FGD4: variants seen among roughly 807,000 people sequenced by gnomAD.
FGD4 encodes the protein FYVE, RhoGEF and PH domain containing 4.
A neutral mutation model predicts 102.0 loss-of-function variants in FGD4; 42 were observed. The observed-to-expected ratio is 0.41, with a 90% CI of 0.32 to 0.53. FGD4 has a LOEUF of 0.53. Ranked by LOEUF, FGD4 falls within the 20% of genes least tolerant of loss-of-function variation. The probability of loss-of-function intolerance (pLI) is 0.21; values close to 1 mark genes in which losing one functional copy is unlikely to be tolerated. For synonymous variants in FGD4, 380 were observed against 375.7 expected (o/e 1.01, Z -0.13); for missense variants, 902 against 1,078.2 (o/e 0.84, Z 2.29).
intron 1 of FGD4, among the ~76,000 whole-genome samples, chr12:32,489,129 C>G (rs941094188): frequency 3.9e-5 from 6 of 152,106 alleles, no homozygotes; most frequent in Non-Finnish European, 2.9e-5. Flanking sequence ...AGCCTCTTCT[C>G]TTTTTGTATT....
At chr12:32,478,754 G>A (rs1013111037) in intron 1 of FGD4, among the ~76,000 whole-genome samples, 4 of 151,728 alleles carry the variant, frequency 2.6e-5, no homozygotes, top group East Asian at 1.9e-4. Flanking sequence ...TTAATCTTCC[G>A]TCCTCCTCAT....
intron 4 of FGD4, among the ~76,000 whole-genome samples, chr12:32,585,517 T>C (rs1281248464): frequency 6.6e-6 from 1 of 151,530 alleles, no homozygotes; most frequent in Non-Finnish European, 1.5e-5. Flanking sequence ...ATTGACATAA[T>C]ATGATACAGT....
At chr12:32,438,482 T>C (rs1166171250) in intron 1 of FGD4, among the ~76,000 whole-genome samples, 11 of 152,118 alleles carry the variant, frequency 7.2e-5, no homozygotes, top group East Asian at 1.9e-4. Context: ...CCTTGAGCAG[T>C]TGAAATTAGG....
intron 1 of FGD4, among the ~76,000 whole-genome samples, chr12:32,423,245 A>G (rs1277419510): frequency 6.6e-6 from 1 of 152,182 alleles, no homozygotes; most frequent in Non-Finnish European, 1.5e-5. Flanking sequence ...GGCTTCCTCC[A>G]GGAAAGAATT....
At chr12:32,539,748 A>C (rs1465984545) in intron 1 of FGD4, among the ~76,000 whole-genome samples, 1 of 152,166 alleles carries the variant, frequency 6.6e-6, no homozygotes, top group Non-Finnish European at 1.5e-5. Context: ...TGCAGTTAAA[A>C]TCTATGAACT....
At chr12:32,446,727 C>T (rs577408677) in intron 1 of FGD4, among the ~76,000 whole-genome samples, 30 of 152,204 alleles carry the variant, frequency 2.0e-4, no homozygotes, top group African/African-American at 5.8e-4. Flanking sequence ...CAACAGCATG[C>T]GCGTGATTCT....
chr12:32,598,643 C>T (rs537213006), intron 5 of FGD4, 57 bp downstream of exon 5: 13 of 1,401,522 alleles, frequency 9.3e-6, no homozygotes, highest in Admixed American at 1.7e-5. Context: ...TCATTTTAAC[C>T]TAGTAATTAG....
chr12:32,483,055 A>G (rs1943806666), intron 1 of FGD4, among the ~76,000 whole-genome samples: 1 of 152,244 alleles, frequency 6.6e-6, no homozygotes, highest in South Asian at 2.1e-4. Context: ...TGATGGTGTT[A>G]GGAAAATATA....
chr12:32,434,870 A>G (rs950518745), intron 1 of FGD4, among the ~76,000 whole-genome samples: 9 of 152,262 alleles, frequency 5.9e-5, no homozygotes, highest in Non-Finnish European at 1.3e-4. Flanking sequence ...GATGAAAAAA[A>G]TCAAATATAG....
chr12:32,455,677 TG>T (rs1942928524), intron 1 of FGD4, among the ~76,000 whole-genome samples: 1 of 152,124 alleles, frequency 6.6e-6, no homozygotes, highest in African/African-American at 2.4e-5. Flanking sequence ...AGACTTTTTG[TG>T]AAATAGAGGT....
intron 1 of FGD4, among the ~76,000 whole-genome samples, chr12:32,557,231 TA>T (rs1944194413): frequency 6.6e-6 from 1 of 152,216 alleles, no homozygotes; most frequent in Non-Finnish European, 1.5e-5. Context: ...AAGTGATATA[TA>T]AATACATTTT....
chr12:32,505,822 G>T (rs1027999668), intron 1 of FGD4, among the ~76,000 whole-genome samples: 2 of 151,776 alleles, frequency 1.3e-5, no homozygotes, highest in African/African-American at 2.4e-5. Context: ...TAAATCCTGT[G>T]TTTTTTTTAT....
At chr12:32,613,611 C>T (rs1949280919) in intron 10 of FGD4, among the ~76,000 whole-genome samples, 1 of 151,962 alleles carries the variant, frequency 6.6e-6, no homozygotes, top group Non-Finnish European at 1.5e-5. Context: ...TAAAAATTAG[C>T]TGGGCATGGT....
At chr12:32,530,062 C>T (rs1592126579) in intron 1 of FGD4, among the ~76,000 whole-genome samples, 1 of 151,934 alleles carries the variant, frequency 6.6e-6, no homozygotes, top group South Asian at 2.1e-4. Flanking sequence ...AGGTTTTAAT[C>T]CAGGAAGTGC....
chr12:32,558,955 G>A (rs918901125), intron 1 of FGD4, among the ~76,000 whole-genome samples: 2 of 152,166 alleles, frequency 1.3e-5, no homozygotes, highest in African/African-American at 4.8e-5. Flanking sequence ...TATTTAAATC[G>A]GATACCTCTC....
At chr12:32,423,465 G>A (rs551822637) in intron 1 of FGD4, among the ~76,000 whole-genome samples, 13 of 151,486 alleles carry the variant, frequency 8.6e-5, no homozygotes, top group African/African-American at 1.9e-4. Context: ...GGTGGCAGGC[G>A]CCTGTAATCC....
At chr12:32,564,622 A>G (rs1160449210) in intron 2 of FGD4, among the ~76,000 whole-genome samples, 2 of 152,230 alleles carry the variant, frequency 1.3e-5, no homozygotes, top group African/African-American at 2.4e-5. Flanking sequence ...CTACTGTTAG[A>G]AAGAAATGAT....
chr12:32,512,215 G>A (rs1939445792), intron 1 of FGD4, among the ~76,000 whole-genome samples: 1 of 152,070 alleles, frequency 6.6e-6, no homozygotes, highest in Non-Finnish European at 1.5e-5. Flanking sequence ...CGGAGGCTGA[G>A]GCTGGCGGAT....
chr12:32,510,154 G>A (rs1294567419), intron 1 of FGD4, among the ~76,000 whole-genome samples: 1 of 152,188 alleles, frequency 6.6e-6, no homozygotes, highest in East Asian at 1.9e-4. Context: ...AAGTTGCTGA[G>A]TGATTCAGTG....
Sources: gnomAD v4.1 joint callset for allele counts (sites outside exome capture counted in the v4.1 genomes callset) on GRCh38, gnomAD v4.1.1 for gene constraint, MANE v1.5 for transcripts, NCBI Gene and HGNC (gene_info 2026-07-23, HGNC 2026-07-21) for gene names.